Variants in KIF16B observed in about 807,000 individuals in gnomAD.
KIF16B encodes kinesin family member 16B.
KIF16B carries 98 observed loss-of-function variants against 156.3 expected under a neutral mutation model. The ratio of observed to expected loss-of-function variants is 0.63; its 90% CI spans 0.53 to 0.74. The LOEUF (loss-of-function observed/expected upper bound fraction) is 0.74, where lower values mean the gene tolerates loss of function less well. Ranked by LOEUF, KIF16B falls within the 30% of genes least tolerant of loss-of-function variation. The pLI, the probability that KIF16B is intolerant of heterozygous loss-of-function variation, is 0.00. For synonymous variants in KIF16B, 564 were observed against 583.7 expected (o/e 0.97, Z 0.49); for missense variants, 1,421 against 1,606.5 (o/e 0.88, Z 1.97).
rs199956269 is a variant in KIF16B at position 16,379,821 on chromosome 20, A to G, written c.2181T>C (p.Phe727=). ...NNEKAEKFQI[F]QELDQLQKEK... is the part of the protein sequence containing the mutation. Reference sequence around the variant, plus strand: ...CCTTTTGGAGCTGGTCCAGTTCTTGAAATATCTGAAACTTCTCAGCCTTCT... The same window carrying G: ...CCTTTTGGAGCTGGTCCAGTTCTTGGAATATCTGAAACTTCTCAGCCTTCT... Residue 727 remains phenylalanine, a synonymous_variant, in exon 19 of 26, where the codon TTT becomes TTC. Transcript: ENST00000354981. The G allele has an allele frequency of 5.0e-6, 8 of 1,614,070 alleles. No homozygotes were observed. Among genetic ancestry groups the G allele is most frequent in the Non-Finnish European group, 3.4e-6 (4 of 1,180,016 alleles).
Position 16,379,767 on chromosome 20 carries a change from T to G in KIF16B, c.2235A>C (p.Glu745Asp). The part of the protein sequence containing the change: ...KEKDEQYAKL[E>D]LEKKRLEEQE... ...GCTCCTCTAGTCTCTTTTTTTCCAG[T>G]TCAAGCTTGGCATACTGTTCATCTT... The change falls in exon 19 of 26, where the codon GAA becomes GAC. Residue 745 changes from glutamate (E) to aspartate (D), a missense_variant. Glu to Asp is a conservative substitution (Grantham distance 45). Coordinates refer to ENST00000354981, the MANE Select transcript of KIF16B (RefSeq NM_024704.5). The G allele has an allele frequency of 6.2e-7, 1 of 1,614,206 alleles. No individual in the cohort carries two copies. The highest frequency in any genetic ancestry group is 8.5e-7 in the Non-Finnish European group (1 of 1,180,040).
chr20:16,276,615 A>G (rs2063065267), intron 25 of KIF16B, among the ~76,000 whole-genome samples: 1 of 152,152 alleles, frequency 6.6e-6, no homozygotes, highest in African/African-American at 2.4e-5. Flanking sequence ...AAGTCTGTTA[A>G]GATGAGGCAT....
intron 1 of KIF16B, among the ~76,000 whole-genome samples, chr20:16,539,033 A>G (rs940428926): frequency 1.3e-5 from 2 of 152,086 alleles, no homozygotes; most frequent in African/African-American, 4.8e-5. Flanking sequence ...CTTCCTGTAT[A>G]GCCATCAGTG....
chr20:16,512,931 G>A lies in KIF16B; in HGVS notation c.349-8C>T. On this transcript the variant is annotated splice_polypyrimidine_tract_variant and splice_region_variant and intron_variant, in intron 4 of 25. Coordinates refer to ENST00000354981, the MANE Select transcript of KIF16B (RefSeq NM_024704.5). ...TATTAAGCCAGAATCTCCCTGCATG[G>A]GAAAGACCAATGTCACAGCTGTCAC... 3.8e-6 allele frequency: 6 copies of A among 1,586,020 alleles called. No individual in the cohort carries two copies. Among genetic ancestry groups the A allele is most frequent in the Non-Finnish European group, 5.2e-6 (6 of 1,154,682 alleles).
chr20:16,557,943 C>T (rs1238299964), intron 1 of KIF16B, among the ~76,000 whole-genome samples: 2 of 152,140 alleles, frequency 1.3e-5, no homozygotes. Flanking sequence ...CACAGAGGGA[C>T]TCAGACTATA....
intron 1 of KIF16B, among the ~76,000 whole-genome samples, chr20:16,551,836 G>C (rs944438243): frequency 3.9e-5 from 6 of 152,044 alleles, no homozygotes; most frequent in Admixed American, 2.6e-4. Context: ...AAGAAAGCAG[G>C]CCCCCCTCCC....
Position 16,315,840 on chromosome 20 carries a change from T to C in KIF16B, c.3712-3422A>G, listed in dbSNP as rs557104372. The stretch of plus-strand genomic sequence containing the variant: ...AGGAACAGCTGCAAAAGTTCCAATG[T>C]GGCTCATGATAGAAATGTGAGCTAA... On this transcript the variant is annotated intron_variant, in intron 24 of 25. Transcript: ENST00000354981. 1.7e-4 allele frequency among the ~76,000 whole-genome samples: 26 copies of C among 152,336 alleles called. 1 individual carries two copies. Among genetic ancestry groups the C allele is most frequent in the African/African-American group, 6.3e-4 (26 of 41,588 alleles).
At chr20:16,285,336 T>C (rs192565907) in intron 25 of KIF16B, among the ~76,000 whole-genome samples, 4 of 152,366 alleles carry the variant, frequency 2.6e-5, no homozygotes, top group African/African-American at 9.6e-5. Context: ...CACAGATATT[T>C]ATGAGTTGAA....
At position 16,335,916 on chromosome 20, in the gene KIF16B, C is replaced by T. The variant is rs1213822285; in HGVS notation, c.3711+10G>A. 10 of 1,488,484 alleles carry T rather than the reference C, an allele frequency of 6.7e-6. No individual in the cohort carries two copies. In the African/African-American group the frequency reaches 1.4e-4, roughly 21 times the overall value. 92.2% of individuals were successfully genotyped at this position (1,488,484 alleles called of 1,614,324 possible). On this transcript the variant is annotated intron_variant, in intron 24 of 25. Coordinates refer to ENST00000354981, the MANE Select transcript of KIF16B (RefSeq NM_024704.5). ...TGCTCTTAATCGGAGATAATAATTT[C>T]ATAACTTACCTCTGCATACTTTAAC...
At chr20:16,436,241 G>A (rs1022192580) in intron 12 of KIF16B, among the ~76,000 whole-genome samples, 4 of 152,074 alleles carry the variant, frequency 2.6e-5, no homozygotes, top group African/African-American at 7.2e-5. Context: ...TATCTGTGAC[G>A]TTTCTAGTTG....
intron 1 of KIF16B, among the ~76,000 whole-genome samples, chr20:16,560,243 T>C (rs2071008095): frequency 6.6e-6 from 1 of 152,120 alleles, no homozygotes; most frequent in Non-Finnish European, 1.5e-5. Context: ...TCGTAAAGCC[T>C]TATCTGGCAA....
intron 24 of KIF16B, among the ~76,000 whole-genome samples, chr20:16,330,186 T>C (rs1379923451): frequency 6.6e-6 from 1 of 152,224 alleles, no homozygotes; most frequent in African/African-American, 2.4e-5. Flanking sequence ...AGACTTATCT[T>C]ATATCTAATA....
At chr20:16,415,688 T>G (rs1455941836) in intron 15 of KIF16B, among the ~76,000 whole-genome samples, 1 of 152,146 alleles carries the variant, frequency 6.6e-6, no homozygotes, top group Non-Finnish European at 1.5e-5. Context: ...AGACATTTCT[T>G]CACTACACAC....
chr20:16,501,166 A>T (rs1470736673), intron 10 of KIF16B, among the ~76,000 whole-genome samples: 1 of 151,778 alleles, frequency 6.6e-6, no homozygotes, highest in East Asian at 1.9e-4. Flanking sequence ...GTTACAATGA[A>T]AACTGTACAT....
chr20:16,539,106 A>C (rs1280930167), intron 1 of KIF16B, among the ~76,000 whole-genome samples: 1 of 152,014 alleles, frequency 6.6e-6, no homozygotes, highest in Non-Finnish European at 1.5e-5. Flanking sequence ...ATTTCTTTAG[A>C]GTAATCCAAG....
chr20:16,541,409 C>T (rs1297851406), intron 1 of KIF16B, among the ~76,000 whole-genome samples: 1 of 152,248 alleles, frequency 6.6e-6, no homozygotes, highest in Non-Finnish European at 1.5e-5. Flanking sequence ...TTGTGAGAAA[C>T]TGGCACAGCC....
At chr20:16,410,136 TATATATGTAGGTACATATAC>T (rs1555877709) in intron 15 of KIF16B, among the ~76,000 whole-genome samples, 13 of 124,542 alleles carry the variant, frequency 1.0e-4, no homozygotes, top group African/African-American at 2.0e-4. Flanking sequence ...TAGGTACATA[TATATATGTAGGTACATATAC>T]ATATATGTAG....
intron 22 of KIF16B, chr20:16,366,938 G>C: frequency 8.0e-7 from 1 of 1,251,798 alleles, no homozygotes; most frequent in Non-Finnish European, 1.0e-6. Context: ...TGATGATAAA[G>C]ATATTTTATT....
intron 12 of KIF16B, among the ~76,000 whole-genome samples, chr20:16,447,238 C>G (rs139209805): frequency 1.3e-5 from 2 of 152,036 alleles, no homozygotes; most frequent in African/African-American, 4.8e-5. Context: ...AAACTCTACT[C>G]TTAAGTTAGC....
Sources: gnomAD v4.1 joint callset for allele counts (sites outside exome capture counted in the v4.1 genomes callset) on GRCh38, gnomAD v4.1.1 for gene constraint, MANE v1.5 for transcripts, NCBI Gene and HGNC (gene_info 2026-07-23, HGNC 2026-07-21) for gene names.